PTPRK: variants seen among roughly 807,000 people sequenced by gnomAD.
PTPRK encodes receptor-type tyrosine-protein phosphatase kappa.
Under a neutral mutation model 178.0 loss-of-function variants are expected in PTPRK, and 75 were observed. That is an observed-to-expected ratio of 0.42 (90% CI 0.35 to 0.51). The LOEUF is 0.51. Among genes scored for constraint, PTPRK ranks in the 20% least tolerant of loss-of-function variants. The probability of loss-of-function intolerance (pLI) is 0.02; values close to 1 mark genes in which losing one functional copy is unlikely to be tolerated. For synonymous variants in PTPRK, 637 were observed against 620.6 expected (o/e 1.03, Z -0.39); for missense variants, 1,441 against 1,797.8 (o/e 0.80, Z 3.59).
chr6:128,107,274 A>C (rs1196324510), intron 7 of PTPRK, among the ~76,000 whole-genome samples: 1 of 152,046 alleles, frequency 6.6e-6, no homozygotes, highest in Non-Finnish European at 1.5e-5. Context: ...AAAATCATGA[A>C]AATGTGGTAC....
chr6:128,125,193 T>A (rs987165409), intron 7 of PTPRK, among the ~76,000 whole-genome samples: 1 of 152,234 alleles, frequency 6.6e-6, no homozygotes, highest in African/African-American at 2.4e-5. Flanking sequence ...CTTGAATCTG[T>A]GTCCCCACCC....
intron 2 of PTPRK, among the ~76,000 whole-genome samples, chr6:128,339,502 C>A (rs1831377621): frequency 6.6e-6 from 1 of 152,048 alleles, no homozygotes; most frequent in Non-Finnish European, 1.5e-5. Context: ...TTATCCTGAT[C>A]AGCATTCAAT....
chr6:128,217,059 C>A (rs1187610929), intron 6 of PTPRK, among the ~76,000 whole-genome samples: 1 of 152,162 alleles, frequency 6.6e-6, no homozygotes, highest in Non-Finnish European at 1.5e-5. Context: ...AATTCAATAG[C>A]ACGCCCACGT....
chr6:128,240,499 G>T (rs1814215327), intron 4 of PTPRK, among the ~76,000 whole-genome samples: 1 of 152,116 alleles, frequency 6.6e-6, no homozygotes, highest in African/African-American at 2.4e-5. Context: ...AACCAAAAGA[G>T]ATTAAATTGA....
At chr6:128,197,883 T>G (rs1805185090) in intron 6 of PTPRK, among the ~76,000 whole-genome samples, 1 of 152,144 alleles carries the variant, frequency 6.6e-6, no homozygotes, top group Non-Finnish European at 1.5e-5. Context: ...AGAGACCTCA[T>G]GCCTGCCTCA....
chr6:128,475,676 T>C (rs896469618), intron 1 of PTPRK, among the ~76,000 whole-genome samples: 6 of 152,014 alleles, frequency 3.9e-5, no homozygotes, highest in East Asian at 1.9e-4. Context: ...AATAATACAA[T>C]TGCTTTTAAG....
chr6:128,334,304 A>T (rs1830634409), intron 2 of PTPRK, among the ~76,000 whole-genome samples: 1 of 152,216 alleles, frequency 6.6e-6, no homozygotes, highest in African/African-American at 2.4e-5. Context: ...AAGTACAATG[A>T]GGCAAAGCAC....
At chr6:128,174,993 G>A (rs913320950) in intron 7 of PTPRK, among the ~76,000 whole-genome samples, 3 of 151,848 alleles carry the variant, frequency 2.0e-5, no homozygotes, top group African/African-American at 7.2e-5. Context: ...CTGACACACA[G>A]CAATTACTCA....
rs375068975 is a variant in PTPRK, at chr6:127,985,851, C to A, written c.3121G>T (p.Val1041Phe). The A allele has an allele frequency of 3.2e-5, 51 of 1,611,928 alleles. No homozygotes were observed. Among genetic ancestry groups the A allele is most frequent in the Non-Finnish European group, 3.9e-5 (46 of 1,178,294 alleles). ...ERRGYNEIREVKQFHFTGWPD... is the reference protein window; with the variant it reads ...ERRGYNEIREFKQFHFTGWPD... ...CAGCCCGTGAAATGGAACTGTTTAA[C>A]TTCACGGATTTCATTGTACCCCCTC... Residue 1041 changes from valine (V) to phenylalanine (F), a missense_variant, in exon 22 of 30, where the codon GTT (valine) becomes TTT (phenylalanine). Transcript: ENST00000368226.
At chr6:128,119,781 A>G (rs75522207) in intron 7 of PTPRK, among the ~76,000 whole-genome samples, 174 of 152,138 alleles carry the variant, frequency 1.1e-3, no homozygotes, top group African/African-American at 3.9e-3. Flanking sequence ...CTTCAAAAAT[A>G]TTTATGCTAG....
At position 128,464,674 on chromosome 6, in the gene PTPRK, T is replaced by TATAC. The variant is rs1407701569; in HGVS notation, c.100+55584_100+55585insGTAT. ...ATATATATATATATATATATATATA[T>TATAC]ACAACAGATGGTCACACAACAGCTC... On this transcript the variant is annotated intron_variant, in intron 1 of 29. Transcript: ENST00000368226. 5.1e-3 allele frequency among the ~76,000 whole-genome samples: 630 copies of TATAC among 124,734 alleles called. 9 individuals are homozygous for TATAC. Among genetic ancestry groups the TATAC allele is most frequent in the Non-Finnish European group, 7.6e-3 (450 of 59,220 alleles). 81.8% of individuals were successfully genotyped at this position (124,734 alleles called of 152,430 possible). A position where few individuals can be genotyped will look rare whatever the true frequency, so the allele number is the denominator to read the frequency against.
chr6:128,405,303 T>C (rs1841522203), intron 1 of PTPRK, among the ~76,000 whole-genome samples: 1 of 152,218 alleles, frequency 6.6e-6, no homozygotes, highest in Non-Finnish European at 1.5e-5. Context: ...GAATTTTCTA[T>C]CTTTGAAAAC....
intron 1 of PTPRK, among the ~76,000 whole-genome samples, chr6:128,498,679 AT>A (rs1326090290): frequency 6.6e-6 from 1 of 152,230 alleles, no homozygotes; most frequent in Non-Finnish European, 1.5e-5. Flanking sequence ...TAAAATATAT[AT>A]TTTTATGATT....
chr6:128,282,783 C>A (rs573014251), intron 3 of PTPRK, among the ~76,000 whole-genome samples: 14 of 151,934 alleles, frequency 9.2e-5, no homozygotes, highest in Admixed American at 2.6e-4. Flanking sequence ...TAGTAGATAC[C>A]CCCAGAAAGC....
intron 1 of PTPRK, among the ~76,000 whole-genome samples, chr6:128,423,914 T>C (rs114757022): frequency 0.014 from 2,180 of 151,648 alleles, 54 homozygotes; most frequent in African/African-American, 0.05. Flanking sequence ...GCAAATAATA[T>C]GTGGTGCAAA....
rs116504058 is a variant in PTPRK at position 128,087,063 on chromosome 6, C to T, written c.1465+2627G>A. On this transcript the variant is annotated intron_variant, in intron 8 of 29. Coordinates refer to ENST00000368226, the MANE Select transcript of PTPRK (RefSeq NM_002844.4). Reference sequence around the variant, plus strand: ...AGTCATGAGTTTGATCAATGTAGGGCATAATTTAAAATTCCAAAGCAACTC... The same window carrying T: ...AGTCATGAGTTTGATCAATGTAGGGTATAATTTAAAATTCCAAAGCAACTC... 2.8e-3 allele frequency among the ~76,000 whole-genome samples: 419 copies of T among 152,046 alleles called. 2 individuals carry two copies. The highest frequency in any genetic ancestry group is 9.7e-3 in the African/African-American group (403 of 41,496).
chr6:128,113,859 C>T (rs1021588827), intron 7 of PTPRK, among the ~76,000 whole-genome samples: 3 of 152,098 alleles, frequency 2.0e-5, no homozygotes, highest in Non-Finnish European at 2.9e-5. Context: ...CACATGTATA[C>T]ATAAGTGCAC....
chr6:128,215,511 C>T (rs1248483043), intron 6 of PTPRK, among the ~76,000 whole-genome samples: 1 of 152,164 alleles, frequency 6.6e-6, no homozygotes, highest in Non-Finnish European at 1.5e-5. Flanking sequence ...CCTCCATAAG[C>T]TGAATACATT....
intron 6 of PTPRK, among the ~76,000 whole-genome samples, chr6:128,218,117 T>C (rs1304079517): frequency 6.6e-6 from 1 of 152,160 alleles, no homozygotes; most frequent in Non-Finnish European, 1.5e-5. Flanking sequence ...TTTGTGTCTA[T>C]TTTTCCTTCA....
Sources: gnomAD v4.1 joint callset for allele counts (sites outside exome capture counted in the v4.1 genomes callset) on GRCh38, gnomAD v4.1.1 for gene constraint, MANE v1.5 for transcripts, NCBI Gene and HGNC (gene_info 2026-07-23, HGNC 2026-07-21) for gene names.